The following NALF1 variants were observed in gnomAD, a reference collection of about 807,000 sequenced individuals.
NALF1 encodes the protein family with sequence similarity 155 member A.
In NALF1, 3 loss-of-function variants were observed where a neutral mutation model predicts 48.4. The observed-to-expected ratio is 0.06, with a 90% CI of 0.03 to 0.16. The LOEUF (loss-of-function observed/expected upper bound fraction) is 0.16, where lower values mean the gene tolerates loss of function less well. Ranked by LOEUF, NALF1 falls within the 10% of genes least tolerant of loss-of-function variation. NALF1 has a pLI of 1.00. For synonymous variants in NALF1, 262 were observed against 245.7 expected (o/e 1.07, Z -0.62); for missense variants, 526 against 571.5 (o/e 0.92, Z 0.81).
At chr13:107,533,475 C>T (rs1876705334) in intron 1 of NALF1, among the ~76,000 whole-genome samples, 2 of 152,112 alleles carry the variant, frequency 1.3e-5, no homozygotes. Flanking sequence ...GAGGAGGCAG[C>T]CCTCATCCAA....
chr13:107,222,190 G>A (rs952839802), intron 1 of NALF1, among the ~76,000 whole-genome samples: 1 of 152,012 alleles, frequency 6.6e-6, no homozygotes, highest in Non-Finnish European at 1.5e-5. Context: ...AGAAGTAACC[G>A]CCGCCTCCAA....
chr13:107,805,345 A>C (rs1878745425), intron 1 of NALF1, among the ~76,000 whole-genome samples: 1 of 152,122 alleles, frequency 6.6e-6, no homozygotes, highest in Non-Finnish European at 1.5e-5. Context: ...TGAGCCAAAA[A>C]CCTATCAATG....
intron 1 of NALF1, among the ~76,000 whole-genome samples, chr13:107,551,835 T>G (rs1387506501): frequency 6.6e-6 from 1 of 152,194 alleles, no homozygotes; most frequent in Non-Finnish European, 1.5e-5. Context: ...AGGTTATTTA[T>G]TACACTAATC....
chr13:107,172,505 A>T (rs930928927), intron 2 of NALF1, among the ~76,000 whole-genome samples: 3 of 152,202 alleles, frequency 2.0e-5, no homozygotes, highest in African/African-American at 7.2e-5. Context: ...GAAATGAACA[A>T]GATATCCTTA....
chr13:107,510,839 G>T (rs1330612180), intron 1 of NALF1, among the ~76,000 whole-genome samples: 1 of 152,100 alleles, frequency 6.6e-6, no homozygotes, highest in Non-Finnish European at 1.5e-5. Flanking sequence ...CTCCATCCTG[G>T]CTCATGGGAT....
chr13:107,659,919 G>C (rs1170888481), intron 1 of NALF1, among the ~76,000 whole-genome samples: 1 of 151,420 alleles, frequency 6.6e-6, no homozygotes, highest in African/African-American at 2.4e-5. Context: ...TTTTAGTAGA[G>C]ACGGGGTTTC....
chr13:107,584,939 T>C (rs1878410734), intron 1 of NALF1, among the ~76,000 whole-genome samples: 1 of 152,210 alleles, frequency 6.6e-6, no homozygotes, highest in African/African-American at 2.4e-5. Flanking sequence ...ATTAGGCTAC[T>C]ACTTCTTAAT....
intron 1 of NALF1, among the ~76,000 whole-genome samples, chr13:107,861,306 C>G (rs1050204409): frequency 1.3e-5 from 2 of 152,072 alleles, no homozygotes; most frequent in African/African-American, 4.8e-5. Context: ...TCTAGAGAAG[C>G]AATTCCACTA....
intron 1 of NALF1, among the ~76,000 whole-genome samples, chr13:107,731,367 G>A (rs1876303658): frequency 6.6e-6 from 1 of 152,092 alleles, no homozygotes; most frequent in Admixed American, 6.6e-5. Context: ...TAATAACTGA[G>A]GAAAATGTAC....
At chr13:107,429,391 A>G (rs558894892) in intron 1 of NALF1, among the ~76,000 whole-genome samples, 1 of 152,290 alleles carries the variant, frequency 6.6e-6, no homozygotes, top group South Asian at 2.1e-4. Flanking sequence ...CATGCCAAAT[A>G]TAAGTTAATA....
chr13:107,657,704 T>C (rs1880619577), intron 1 of NALF1, among the ~76,000 whole-genome samples: 1 of 152,168 alleles, frequency 6.6e-6, no homozygotes, highest in Non-Finnish European at 1.5e-5. Flanking sequence ...TGTTGCCCAC[T>C]CCTAATTCCA....
intron 1 of NALF1, chr13:107,465,846 T>G (rs1385917587): frequency 6.6e-6 from 1 of 152,294 alleles, no homozygotes; most frequent in Non-Finnish European, 1.5e-5. Flanking sequence ...AGCTGTGTCC[T>G]CAAATGGTGA....
intron 1 of NALF1, among the ~76,000 whole-genome samples, chr13:107,456,371 A>G (rs1335885846): frequency 6.6e-6 from 1 of 152,210 alleles, no homozygotes; most frequent in African/African-American, 2.4e-5. Flanking sequence ...TTCAAAATTT[A>G]TTTCTTATTT....
intron 1 of NALF1, among the ~76,000 whole-genome samples, chr13:107,310,718 C>T (rs898338474): frequency 6.6e-6 from 1 of 151,902 alleles, no homozygotes; most frequent in Non-Finnish European, 1.5e-5. Context: ...CACTCTGTCG[C>T]CCAGTCTGGA....
At chr13:107,289,320 C>T (rs1881568521) in intron 1 of NALF1, among the ~76,000 whole-genome samples, 1 of 152,168 alleles carries the variant, frequency 6.6e-6, no homozygotes, top group Non-Finnish European at 1.5e-5. Flanking sequence ...AAAATATATG[C>T]TCTCTGAAGC....
rs775565071 is a variant in NALF1 at position 107,210,676 on chromosome 13, T to C, written c.995A>G (p.Gln332Arg). The change falls in exon 2 of 3, where the codon CAA becomes CGA. Residue 332 changes from glutamine to arginine, a missense_variant. By Grantham distance (43) the Gln-to-Arg change is conservative. Transcript: ENST00000375915. ...CCTCGTCTGAACCTCCAAACAGTAT[T>C]GCTTGCAAGGAATTGTCTTTCTGCA... ...FNCRKTIPCKQYCLEVQTRCP... is the reference protein window; with the variant it reads ...FNCRKTIPCKRYCLEVQTRCP... The C allele has an allele frequency of 3.8e-5, 61 of 1,611,850 alleles. No homozygotes were observed. The South Asian group carries it at 6.5e-4, about 17-fold the overall frequency.
At chr13:107,449,895 C>G (rs2139034167) in intron 1 of NALF1, among the ~76,000 whole-genome samples, 1 of 152,234 alleles carries the variant, frequency 6.6e-6, no homozygotes, top group East Asian at 1.9e-4. Flanking sequence ...GCCTAGAATT[C>G]CACAGCTAGT....
intron 1 of NALF1, among the ~76,000 whole-genome samples, chr13:107,735,721 T>C (rs1029210945): frequency 2.0e-5 from 3 of 152,220 alleles, no homozygotes; most frequent in African/African-American, 4.8e-5. Context: ...TGCAGTCTTA[T>C]AGATTTGAAT....
intron 1 of NALF1, among the ~76,000 whole-genome samples, chr13:107,560,116 C>T (rs1877603118): frequency 6.6e-6 from 1 of 152,148 alleles, no homozygotes; most frequent in Non-Finnish European, 1.5e-5. Context: ...TCAGGGAAGA[C>T]AAGCTGGTTT....
Sources: gnomAD v4.1 joint callset for allele counts (sites outside exome capture counted in the v4.1 genomes callset) on GRCh38, gnomAD v4.1.1 for gene constraint, MANE v1.5 for transcripts, NCBI Gene and HGNC (gene_info 2026-07-23, HGNC 2026-07-21) for gene names.